Variants in FHIT observed in about 807,000 individuals in gnomAD.
FHIT encodes the protein fragile histidine triad diadenosine triphosphatase.
FHIT carries 19 observed loss-of-function variants against 17.9 expected under a neutral mutation model. That is an observed-to-expected ratio of 1.06 (90% CI 0.74 to 1.56). FHIT has a LOEUF of 1.56. Ranked by LOEUF, FHIT falls within the 40% of genes most tolerant of loss-of-function variation. The pLI is 0.00. For missense variants in FHIT, 248 were observed against 189.2 expected (o/e 1.31, Z -1.82); for synonymous variants, 81 against 69.7 (o/e 1.16, Z -0.81).
intron 5 of FHIT, among the ~76,000 whole-genome samples, chr3:60,366,943 C>T (rs1466736711): frequency 6.6e-6 from 1 of 152,142 alleles, no homozygotes; most frequent in African/African-American, 2.4e-5. Context: ...TGAGGCTATA[C>T]CTATGCTAAG....
At chr3:60,826,384 T>C (rs1263907027) in intron 3 of FHIT, among the ~76,000 whole-genome samples, 1 of 152,202 alleles carries the variant, frequency 6.6e-6, no homozygotes, top group Non-Finnish European at 1.5e-5. Context: ...TGAAGTGCAA[T>C]GGCACAATCT....
chr3:60,770,940 C>T (rs1553722910), intron 4 of FHIT, among the ~76,000 whole-genome samples: 1 of 152,218 alleles, frequency 6.6e-6, no homozygotes, highest in Non-Finnish European at 1.5e-5. Flanking sequence ...CTCCCACTTT[C>T]AATACCCAGG....
intron 8 of FHIT, among the ~76,000 whole-genome samples, chr3:59,769,747 T>G (rs1337124916): frequency 2.2e-5 from 3 of 133,436 alleles, no homozygotes; most frequent in East Asian, 2.3e-4. Context: ...TTTTTTTTTT[T>G]GAAAAAAATG....
intron 2 of FHIT, among the ~76,000 whole-genome samples, chr3:61,148,388 T>A (rs1016669265): frequency 6.6e-6 from 1 of 152,168 alleles, no homozygotes; most frequent in Admixed American, 6.5e-5. Flanking sequence ...AGCTCCCTAT[T>A]TTTCTGGCTT....
intron 4 of FHIT, among the ~76,000 whole-genome samples, chr3:60,585,105 G>T (rs1290054630): frequency 6.6e-6 from 1 of 151,934 alleles, no homozygotes; most frequent in Non-Finnish European, 1.5e-5. Context: ...GCTACTAGGT[G>T]AGCTGGAATA....
chr3:60,217,312 T>C (rs1190125283), intron 5 of FHIT, among the ~76,000 whole-genome samples: 1 of 152,184 alleles, frequency 6.6e-6, no homozygotes, highest in Non-Finnish European at 1.5e-5. Flanking sequence ...TGAAGACAGA[T>C]GAGTCGAAGA....
chr3:60,838,367 G>A (rs1023633422), intron 3 of FHIT, among the ~76,000 whole-genome samples: 1 of 152,274 alleles, frequency 6.6e-6, no homozygotes, highest in Non-Finnish European at 1.5e-5. Context: ...AGCGACTCAG[G>A]AGGCTGAGGC....
chr3:60,128,669 C>A (rs1338370918), intron 5 of FHIT, among the ~76,000 whole-genome samples: 2 of 152,312 alleles, frequency 1.3e-5, no homozygotes, highest in East Asian at 1.9e-4. Flanking sequence ...ACTCTGCAAC[C>A]AACTGATCAC....
chr3:59,791,098 T>C (rs1036728674), intron 8 of FHIT, among the ~76,000 whole-genome samples: 4 of 152,218 alleles, frequency 2.6e-5, no homozygotes, highest in Non-Finnish European at 5.9e-5. Context: ...TGCTTCCTTC[T>C]CTTCACGGAA....
intron 8 of FHIT, among the ~76,000 whole-genome samples, chr3:59,809,983 G>A (rs1318968484): frequency 6.6e-6 from 1 of 152,102 alleles, no homozygotes; most frequent in Non-Finnish European, 1.5e-5. Context: ...TAGGGGATAC[G>A]TCAGTTTTGA....
chr3:60,871,430 AC>A (rs1704412335), intron 3 of FHIT, among the ~76,000 whole-genome samples: 1 of 152,140 alleles, frequency 6.6e-6, no homozygotes, highest in African/African-American at 2.4e-5. Context: ...CTATAGTGCT[AC>A]CAGAAGTCTA....
At chr3:60,198,178 G>A (rs1414442456) in intron 5 of FHIT, among the ~76,000 whole-genome samples, 1 of 152,088 alleles carries the variant, frequency 6.6e-6, no homozygotes, top group Admixed American at 6.6e-5. Context: ...AGACTCTCCA[G>A]GTCCAGTTCA....
At chr3:59,840,694 A>T (rs1447066248) in intron 8 of FHIT, among the ~76,000 whole-genome samples, 5 of 152,128 alleles carry the variant, frequency 3.3e-5, no homozygotes, top group Non-Finnish European at 5.9e-5. Flanking sequence ...TACATCACTC[A>T]ACGTCCCCAG....
chr3:60,533,690 G>A (rs2035871027), intron 5 of FHIT, among the ~76,000 whole-genome samples: 1 of 152,146 alleles, frequency 6.6e-6, no homozygotes, highest in African/African-American at 2.4e-5. Context: ...GTTGAGGTGA[G>A]GGGCAGGAGA....
chr3:60,429,360 T>C (rs189347393), intron 5 of FHIT, among the ~76,000 whole-genome samples: 90 of 152,146 alleles, frequency 5.9e-4, no homozygotes, highest in Middle Eastern at 3.4e-3. Context: ...AAAAATTCTA[T>C]TGGAAGACTG....
At chr3:60,288,034 G>T (rs1357220275) in intron 5 of FHIT, among the ~76,000 whole-genome samples, 1 of 152,152 alleles carries the variant, frequency 6.6e-6, no homozygotes, top group African/African-American at 2.4e-5. Context: ...AGGTCTCTGG[G>T]AAACTGGAGT....
chr3:60,327,209 T>C (rs1428660580), intron 5 of FHIT, among the ~76,000 whole-genome samples: 2 of 152,186 alleles, frequency 1.3e-5, no homozygotes, highest in Non-Finnish European at 2.9e-5. Context: ...CACAACAAAA[T>C]GTGCTCCACC....
At chr3:60,141,758 C>A (rs749563230) in intron 5 of FHIT, among the ~76,000 whole-genome samples, 3 of 152,146 alleles carry the variant, frequency 2.0e-5, no homozygotes, top group Non-Finnish European at 4.4e-5. Flanking sequence ...TTAATTTCCA[C>A]GTTTACCAAC....
chr3:59,901,045 G>A (rs751715554), intron 8 of FHIT, among the ~76,000 whole-genome samples: 3 of 152,138 alleles, frequency 2.0e-5, no homozygotes, highest in East Asian at 1.9e-4. Context: ...GTCTGTTAAC[G>A]TAACCTCCCA....
Sources: gnomAD v4.1 joint callset for allele counts (sites outside exome capture counted in the v4.1 genomes callset) on GRCh38, gnomAD v4.1.1 for gene constraint, MANE v1.5 for transcripts, NCBI Gene and HGNC (gene_info 2026-07-23, HGNC 2026-07-21) for gene names.